Variants in ARAP2 observed in about 807,000 individuals in gnomAD.
ARAP2 encodes the protein ArfGAP with RhoGAP domain, ankyrin repeat and PH domain 2.
Under a neutral mutation model 194.5 loss-of-function variants are expected in ARAP2, and 148 were observed. The observed-to-expected ratio is 0.76, with a 90% CI of 0.67 to 0.87. The LOEUF (loss-of-function observed/expected upper bound fraction) is 0.87, where lower values mean the gene tolerates loss of function less well. Among genes scored for constraint, ARAP2 ranks in the 40% least tolerant of loss-of-function variants. The pLI, the probability that ARAP2 is intolerant of heterozygous loss-of-function variation, is 0.00. For missense variants in ARAP2, 2,128 were observed against 1,989.7 expected (o/e 1.07, Z -1.32); for synonymous variants, 695 against 683.5 (o/e 1.02, Z -0.26).
At chr4:36,095,243 C>T (rs559137814) in intron 27 of ARAP2, among the ~76,000 whole-genome samples, 1 of 152,204 alleles carries the variant, frequency 6.6e-6, no homozygotes, top group South Asian at 2.1e-4. Context: ...GAATGCATGC[C>T]CTAAATTTTC....
chr4:36,143,799 T>TA (rs1490493018), intron 19 of ARAP2, among the ~76,000 whole-genome samples: 1 of 151,824 alleles, frequency 6.6e-6, no homozygotes, highest in Non-Finnish European at 1.5e-5. Context: ...TTCACTTTCA[T>TA]AAAAATACTT....
At chr4:36,227,489 C>A (rs767253809) in intron 2 of ARAP2, among the ~76,000 whole-genome samples, 1 of 152,104 alleles carries the variant, frequency 6.6e-6, no homozygotes, top group Non-Finnish European at 1.5e-5. Context: ...GCCTTGTAAA[C>A]GGTCATGTTT....
At chr4:36,127,005 C>A (rs559082793) in intron 21 of ARAP2, among the ~76,000 whole-genome samples, 4 of 151,924 alleles carry the variant, frequency 2.6e-5, no homozygotes, top group Non-Finnish European at 5.9e-5. Context: ...TGAGCTAACA[C>A]TTCTATTTTT....
chr4:36,112,846 A>C (rs1720372821), intron 26 of ARAP2, among the ~76,000 whole-genome samples: 1 of 151,918 alleles, frequency 6.6e-6, no homozygotes, highest in South Asian at 2.1e-4. Context: ...TGTGAGCCAG[A>C]TGGAGGAAGA....
At chr4:36,228,431 G>A (rs892669506) in intron 2 of ARAP2, 151 bp downstream of exon 2, 25 of 790,184 alleles carry the variant, frequency 3.2e-5, no homozygotes, top group Non-Finnish European at 4.4e-5. Context: ...TGTCCAATGG[G>A]ATGAAGACTT....
chr4:36,224,486 C>G (rs1454259729), intron 2 of ARAP2, among the ~76,000 whole-genome samples: 1 of 151,962 alleles, frequency 6.6e-6, no homozygotes, highest in Non-Finnish European at 1.5e-5. Context: ...TAAAAAACAT[C>G]CTTAGGGTAA....
At chr4:36,128,477 T>TACACATACACAC (rs1724513054) in intron 21 of ARAP2, 56 bp downstream of exon 21, 1 of 858,722 alleles carries the variant, frequency 1.2e-6, no homozygotes, top group Non-Finnish European at 1.8e-6. Flanking sequence ...GTCTATATTA[T>TACACATACACAC]ACACACACAC....
chr4:36,149,376 C>G (rs994340920), intron 16 of ARAP2, among the ~76,000 whole-genome samples: 3 of 152,160 alleles, frequency 2.0e-5, no homozygotes, highest in South Asian at 4.1e-4. Flanking sequence ...CAATTAGTCT[C>G]TCTTCCTCCA....
chr4:36,077,586 G>A (rs547167216), intron 31 of ARAP2, among the ~76,000 whole-genome samples: 1 of 152,056 alleles, frequency 6.6e-6, no homozygotes, highest in African/African-American at 2.4e-5. Flanking sequence ...AAATATTCCT[G>A]AATCTTAATT....
intron 32 of ARAP2, 126 bp downstream of exon 32, chr4:36,073,563 C>T (rs569656202): frequency 4.5e-6 from 5 of 1,104,952 alleles, no homozygotes; most frequent in Admixed American, 2.5e-5. Context: ...TGATTATTAC[C>T]ATGCTTTACA....
chr4:36,026,608 C>T (rs1459386266), intron 5 of ARAP2, among the ~76,000 whole-genome samples: 2 of 152,178 alleles, frequency 1.3e-5, no homozygotes, highest in African/African-American at 4.8e-5. Flanking sequence ...AGTGTTAAAG[C>T]TCTCAGCAGG....
chr4:36,218,161 G>T (rs1403121479), intron 2 of ARAP2, among the ~76,000 whole-genome samples: 2 of 152,076 alleles, frequency 1.3e-5, no homozygotes, highest in Non-Finnish European at 2.9e-5. Context: ...CACTTAAAGA[G>T]ACCCAGTTAC....
chr4:36,024,338 G>A (rs954480883), intron 5 of ARAP2, among the ~76,000 whole-genome samples: 3 of 151,994 alleles, frequency 2.0e-5, no homozygotes, highest in East Asian at 3.9e-4. Context: ...ATGGTATACC[G>A]AATATTTATT....
chr4:36,113,041 G>A (rs1320417964), intron 26 of ARAP2, among the ~76,000 whole-genome samples: 1 of 151,874 alleles, frequency 6.6e-6, no homozygotes, highest in Non-Finnish European at 1.5e-5. Context: ...GAGGTAAAAT[G>A]AACAGAAAAT....
intron 6 of ARAP2, among the ~76,000 whole-genome samples, chr4:36,202,458 C>A (rs372711182): frequency 3.3e-5 from 5 of 151,796 alleles, no homozygotes; most frequent in African/African-American, 1.2e-4. Flanking sequence ...TCAATCTCAG[C>A]TTCCATCTCT....
At chr4:36,014,338 GAAA>G in intron 8 of ARAP2, among the ~76,000 whole-genome samples, 1 of 97,954 alleles carries the variant, frequency 1.0e-5, no homozygotes, top group Non-Finnish European at 2.2e-5. Flanking sequence ...AAGAAAGAAA[GAAA>G]GAAAGAAAGA....
At chr4:36,019,810 G>T (rs750766535) in intron 5 of ARAP2, among the ~76,000 whole-genome samples, 1 of 152,116 alleles carries the variant, frequency 6.6e-6, no homozygotes, top group African/African-American at 2.4e-5. Context: ...ATAAGATATA[G>T]GAACAGGTTA....
chr4:36,106,920 CT>C (rs1009866182), intron 27 of ARAP2, among the ~76,000 whole-genome samples: 4 of 151,560 alleles, frequency 2.6e-5, no homozygotes, highest in African/African-American at 7.2e-5. Context: ...ATAATCCTGG[CT>C]TTTTTTTGAT....
chr4:36,111,556 A>G (rs1459398660), intron 26 of ARAP2, among the ~76,000 whole-genome samples: 2 of 152,034 alleles, frequency 1.3e-5, no homozygotes, highest in African/African-American at 4.8e-5. Context: ...ACACATTCAC[A>G]AATCAAAACT....
Sources: gnomAD v4.1 joint callset for allele counts (sites outside exome capture counted in the v4.1 genomes callset) on GRCh38, gnomAD v4.1.1 for gene constraint, MANE v1.5 for transcripts, NCBI Gene and HGNC (gene_info 2026-07-23, HGNC 2026-07-21) for gene names.